Variants in RGS22 observed in about 807,000 individuals in gnomAD.
The protein encoded by RGS22 is regulator of G protein signaling 22, also known as regulator of G-protein signaling 22.
Under a neutral mutation model 172.9 loss-of-function variants are expected in RGS22, and 148 were observed. The ratio of observed to expected loss-of-function variants is 0.86; its 90% CI spans 0.75 to 0.98. RGS22 has a LOEUF of 0.98. RGS22 is among the 50% of genes least tolerant of loss of function. The pLI, the probability that RGS22 is intolerant of heterozygous loss-of-function variation, is 0.00. For missense variants in RGS22, 1,347 were observed against 1,440.8 expected, an observed-to-expected ratio of 0.93 and a Z score of 1.05; for synonymous variants, 458 against 480.2, an observed-to-expected ratio of 0.95 and a Z score of 0.60.
intron 14 of RGS22, among the ~76,000 whole-genome samples, chr8:100,027,589 T>C (rs1224962036): frequency 6.6e-6 from 1 of 152,136 alleles, no homozygotes; most frequent in Non-Finnish European, 1.5e-5. Flanking sequence ...TTCAAGTGAT[T>C]CTCCTGTCTC....
chr8:99,970,865 C>G (rs1811265305), intron 23 of RGS22, among the ~76,000 whole-genome samples: 1 of 152,154 alleles, frequency 6.6e-6, no homozygotes, highest in African/African-American at 2.4e-5. Flanking sequence ...GGGGCTCCTC[C>G]CTAACTCATT....
At chr8:100,019,724 C>G (rs1450713070) in intron 14 of RGS22, among the ~76,000 whole-genome samples, 1 of 151,568 alleles carries the variant, frequency 6.6e-6, no homozygotes, top group Non-Finnish European at 1.5e-5. Flanking sequence ...TTTTTTAGAC[C>G]CATTACTCGA....
chr8:100,013,923 C>T (rs532435988), intron 14 of RGS22, among the ~76,000 whole-genome samples: 1 of 152,238 alleles, frequency 6.6e-6, no homozygotes, highest in South Asian at 2.1e-4. Context: ...TAATGACTGA[C>T]TCCATTATAG....
chr8:100,042,048 A>C lies in RGS22; in HGVS notation c.1824-132T>G, dbSNP rs1820194630. ...TCTGAGCAATGTGACTCAGGAAAAA[A>C]AGGATAAACATCGTTCTAGCCCTAA... On this transcript the variant is annotated intron_variant, in intron 11 of 27. Coordinates refer to ENST00000360863, the MANE Select transcript of RGS22 (RefSeq NM_015668.5). 7.0e-6 allele frequency: 4 copies of C among 569,826 alleles called. No individual in the cohort carries two copies. In the South Asian group the frequency reaches 8.2e-5, roughly 12 times the overall value. The allele number at this position is 569,826 out of a possible 1,614,324, so 35.3% of individuals were successfully genotyped here.
At chr8:99,983,346 T>C (rs1812748258) in intron 21 of RGS22, among the ~76,000 whole-genome samples, 1 of 152,214 alleles carries the variant, frequency 6.6e-6, no homozygotes, top group Non-Finnish European at 1.5e-5. Flanking sequence ...GGTCAAATGG[T>C]AGCTCTGTTT....
intron 9 of RGS22, among the ~76,000 whole-genome samples, chr8:100,060,421 T>TATATATATATATATACACACAC (rs1245783464): frequency 1.7e-5 from 2 of 119,512 alleles, no homozygotes; most frequent in African/African-American, 5.8e-5. Context: ...TATATATATA[T>TATATATATATATATACACACAC]ACACACACAC....
chr8:100,092,657 T>C (rs1812671430), intron 3 of RGS22, among the ~76,000 whole-genome samples: 1 of 152,182 alleles, frequency 6.6e-6, no homozygotes, highest in Non-Finnish European at 1.5e-5. Flanking sequence ...ATGCAGCCCC[T>C]TGATCTTGGA....
rs1821822771 is a variant in RGS22, at chr8:100,052,835, G to A, written c.1656C>T (p.Pro552=). The part of the protein sequence containing the change: ...PQMATLLPLR[P]KSCIPQIPEI... Reference sequence around the variant, plus strand: ...CAGGTATCTGTGGAATGCAAGATTTGGGTCTTAATGGCAAGAGGGTTGCCA... The same window carrying A: ...CAGGTATCTGTGGAATGCAAGATTTAGGTCTTAATGGCAAGAGGGTTGCCA... The change falls in exon 10 of 28, where the codon CCC becomes CCT. Residue 552 remains proline (P), a synonymous_variant. Transcript: ENST00000360863. 1 of 1,614,070 alleles carries A rather than the reference G, an allele frequency of 6.2e-7. No homozygotes were observed. The highest frequency in any genetic ancestry group is 1.3e-5 in the African/African-American group (1 of 75,034).
At chr8:100,026,907 A>G (rs1818239043) in intron 14 of RGS22, among the ~76,000 whole-genome samples, 1 of 152,220 alleles carries the variant, frequency 6.6e-6, no homozygotes, top group South Asian at 2.1e-4. Flanking sequence ...CTGCCAGTAA[A>G]GCGAGAAATT....
intron 9 of RGS22, among the ~76,000 whole-genome samples, chr8:100,060,235 C>T (rs1396561720): frequency 2.6e-5 from 4 of 151,788 alleles, no homozygotes; most frequent in Non-Finnish European, 2.9e-5. Context: ...TGTGCATATA[C>T]CATACTTTCT....
At chr8:100,084,247 C>A (rs1275286726) in intron 3 of RGS22, among the ~76,000 whole-genome samples, 1 of 152,180 alleles carries the variant, frequency 6.6e-6, no homozygotes, top group Admixed American at 6.5e-5. Flanking sequence ...ATTTCTCAGA[C>A]TCCCTACAGC....
intron 14 of RGS22, 36 bp from the exon 15 acceptor site, chr8:100,008,605 A>G: frequency 6.5e-7 from 1 of 1,533,042 alleles, no homozygotes; most frequent in Non-Finnish European, 8.9e-7. Flanking sequence ...GAAGATGTTA[A>G]GAGAAGCCAC....
chr8:99,998,633 C>CT (rs1432385163), intron 19 of RGS22, among the ~76,000 whole-genome samples: 2 of 151,750 alleles, frequency 1.3e-5, no homozygotes, highest in Non-Finnish European at 2.9e-5. Flanking sequence ...TGACTCCATG[C>CT]TTTTTTAAAA....
intron 14 of RGS22, among the ~76,000 whole-genome samples, chr8:100,022,089 C>G (rs948835245): frequency 1.3e-5 from 2 of 152,054 alleles, no homozygotes; most frequent in African/African-American, 4.8e-5. Flanking sequence ...ATGCCGAGAG[C>G]GACTAAATTA....
Position 100,063,504 on chromosome 8 carries a change from T to G in RGS22, c.1264A>C (p.Ile422Leu). ...TATCTCTCTCCCAATGTACCTTTTA[T>G]AAATTTCTTAAATCTTTCAAACTCC... ...RKEFERFKKF[I>L]KGTLGERYWW... The change falls in exon 8 of 28, where the codon ATA (isoleucine) becomes CTA (leucine). Residue 422 changes from isoleucine to leucine, a missense_variant. By Grantham distance (5) the Ile-to-Leu change is conservative. Transcript: ENST00000360863. 6.2e-7 allele frequency: 1 copy of G among 1,613,820 alleles called. No individual in the cohort carries two copies. Among genetic ancestry groups the G allele is most frequent in the Non-Finnish European group, 8.5e-7 (1 of 1,179,754 alleles).
At position 99,977,949 on chromosome 8, in the gene RGS22, A is replaced by G. The variant is rs7841915; in HGVS notation, c.3487T>C (p.Leu1163=). The G allele has an allele frequency of 0.04, 62,261 of 1,548,154 alleles. 1,543 individuals carry two copies. The highest frequency in any genetic ancestry group is 0.12 in the African/African-American group (8,306 of 70,636). Residue 1163 remains leucine, a synonymous_variant, in exon 23 of 28, where the codon TTG becomes CTG. Coordinates refer to ENST00000360863, the MANE Select transcript of RGS22 (RefSeq NM_015668.5). ...RQEYNKQKKK[L]AVLEDEKSGK... is the part of the protein sequence containing the mutation. ...GATTTTTCGTCTTCTAGGACTGCCA[A>G]TTTTTTTTTCTGCTTATTATATTCT...
intron 21 of RGS22, among the ~76,000 whole-genome samples, chr8:99,982,631 G>A (rs191079970): frequency 4.9e-4 from 74 of 152,242 alleles, no homozygotes; most frequent in Non-Finnish European, 7.8e-4. Flanking sequence ...AAGCTTTCCC[G>A]TCCAGTCCTG....
At position 100,091,618 on chromosome 8, in the gene RGS22, A is replaced by C. The variant is rs1171425634; in HGVS notation, c.117+1829T>G. Among the ~76,000 whole-genome samples, 4 of 152,202 alleles carry C rather than the reference A, an allele frequency of 2.6e-5. No homozygotes were observed. The East Asian group carries it at 7.7e-4, about 29-fold the overall frequency. ...TTTTAAAAGAAAGTTAAGAGAATTT[A>C]TTTCTTTTCCAAAACAAGTTGATGT... On this transcript the variant is annotated intron_variant, in intron 3 of 27. Coordinates refer to ENST00000360863, the MANE Select transcript of RGS22 (RefSeq NM_015668.5).
At chr8:100,015,855 T>A (rs1816892888) in intron 14 of RGS22, among the ~76,000 whole-genome samples, 1 of 152,174 alleles carries the variant, frequency 6.6e-6, no homozygotes, top group African/African-American at 2.4e-5. Flanking sequence ...CTCACACTCA[T>A]ATTTTGCTCT....
Sources: allele counts gnomAD v4.1 joint callset (sites outside exome capture counted in the v4.1 genomes callset), GRCh38; gene constraint gnomAD v4.1.1; transcripts MANE v1.5; gene names NCBI Gene and HGNC (gene_info 2026-07-23, HGNC 2026-07-21).